The following DGKB variants were observed in gnomAD, a reference collection of about 807,000 sequenced individuals.
The protein encoded by DGKB is diacylglycerol kinase beta.
DGKB carries 67 observed loss-of-function variants against 114.3 expected under a neutral mutation model. The ratio of observed to expected loss-of-function variants is 0.59; its 90% CI spans 0.48 to 0.72. DGKB has a LOEUF of 0.72. DGKB is among the 30% of genes least tolerant of loss of function. The probability of loss-of-function intolerance (pLI) is 0.00; values close to 1 mark genes in which losing one functional copy is unlikely to be tolerated. For synonymous variants in DGKB, 398 were observed against 323.1 expected, an observed-to-expected ratio of 1.23 and a Z score of -2.49; for missense variants, 907 against 975.2, an observed-to-expected ratio of 0.93 and a Z score of 0.93.
At chr7:14,808,176 G>A (rs1842988298) in intron 2 of DGKB, among the ~76,000 whole-genome samples, 1 of 152,020 alleles carries the variant, frequency 6.6e-6, no homozygotes, top group South Asian at 2.1e-4. Flanking sequence ...TCTTTTGTAA[G>A]TGATGTTTAT....
At chr7:14,176,605 A>G in intron 25 of DGKB, 1 of 1,227,842 alleles carries the variant, frequency 8.1e-7, no homozygotes, top group Non-Finnish European at 1.0e-6. Flanking sequence ...TATTTAAAAG[A>G]TCTATTTATA....
intron 21 of DGKB, among the ~76,000 whole-genome samples, chr7:14,428,836 C>T (rs1827987222): frequency 6.6e-6 from 1 of 152,102 alleles, no homozygotes; most frequent in Non-Finnish European, 1.5e-5. Flanking sequence ...AACCCATGCT[C>T]ATTCAGATGC....
chr7:14,867,373 A>G (rs759191426), intron 1 of DGKB, among the ~76,000 whole-genome samples: 2 of 151,942 alleles, frequency 1.3e-5, no homozygotes, highest in Non-Finnish European at 2.9e-5. Context: ...TAGGTCTACA[A>G]TTAATTTCAA....
At chr7:14,629,516 T>C (rs1809287735) in intron 14 of DGKB, among the ~76,000 whole-genome samples, 1 of 152,010 alleles carries the variant, frequency 6.6e-6, no homozygotes, top group South Asian at 2.1e-4. Context: ...AAGCAATACT[T>C]TCTAAAATAA....
At chr7:14,462,832 C>T (rs1833282114) in intron 21 of DGKB, among the ~76,000 whole-genome samples, 1 of 152,174 alleles carries the variant, frequency 6.6e-6, no homozygotes, top group South Asian at 2.1e-4. Context: ...TGCTACCTGA[C>T]TGCAAACTAT....
At chr7:14,695,465 C>T (rs1031944460) in intron 8 of DGKB, among the ~76,000 whole-genome samples, 9 of 145,480 alleles carry the variant, frequency 6.2e-5, no homozygotes, top group African/African-American at 2.3e-4. Flanking sequence ...TGTAATCAAC[C>T]TCAAATGTTC....
At chr7:14,941,663 A>G (rs1163767688) in intron 1 of DGKB, among the ~76,000 whole-genome samples, 1 of 152,082 alleles carries the variant, frequency 6.6e-6, no homozygotes, top group Non-Finnish European at 1.5e-5. Context: ...TGTAAAAACC[A>G]ATCGATCTAC....
chr7:14,890,860 A>G (rs533334322), intron 1 of DGKB, among the ~76,000 whole-genome samples: 39 of 125,824 alleles, frequency 3.1e-4, no homozygotes, highest in South Asian at 9.0e-4. Context: ...CAATTCACAG[A>G]ATGCCACAAA....
At chr7:14,265,469 C>T (rs1177077561) in intron 23 of DGKB, among the ~76,000 whole-genome samples, 2 of 151,732 alleles carry the variant, frequency 1.3e-5, no homozygotes, top group Non-Finnish European at 2.9e-5. Context: ...TTCATATTAT[C>T]TTCTTTCTAT....
intron 25 of DGKB, among the ~76,000 whole-genome samples, chr7:14,171,096 A>C (rs763050939): frequency 1.1e-4 from 17 of 152,218 alleles, no homozygotes; most frequent in Non-Finnish European, 1.9e-4. Flanking sequence ...GCACCAGGTC[A>C]GGGCTCAATT....
At chr7:14,774,711 A>G (rs980730691) in intron 2 of DGKB, among the ~76,000 whole-genome samples, 1 of 152,202 alleles carries the variant, frequency 6.6e-6, no homozygotes, top group South Asian at 2.1e-4. Context: ...ATAAAGACAG[A>G]TGGTGAATTA....
chr7:14,642,261 CA>C (rs1811945758), intron 13 of DGKB, among the ~76,000 whole-genome samples: 1 of 151,934 alleles, frequency 6.6e-6, no homozygotes, highest in African/African-American at 2.4e-5. Flanking sequence ...TATTCTTGAC[CA>C]TCTAAAACTA....
At chr7:14,875,128 A>G (rs1461872293) in intron 1 of DGKB, among the ~76,000 whole-genome samples, 2 of 152,122 alleles carry the variant, frequency 1.3e-5, no homozygotes, top group African/African-American at 4.8e-5. Flanking sequence ...TAGGGAGAAT[A>G]CCAAAATAAT....
At chr7:14,830,881 T>A (rs1367093355) in intron 2 of DGKB, among the ~76,000 whole-genome samples, 1 of 150,860 alleles carries the variant, frequency 6.6e-6, no homozygotes, top group Non-Finnish European at 1.5e-5. Flanking sequence ...TAATGATAAC[T>A]AATATTTGTA....
chr7:14,292,268 CT>C (rs1376725110), intron 23 of DGKB, among the ~76,000 whole-genome samples: 1 of 152,102 alleles, frequency 6.6e-6, no homozygotes, highest in African/African-American at 2.4e-5. Context: ...TTTATGTCAT[CT>C]TTTCTCCTTC....
chr7:14,340,105 C>T (rs10231630), intron 22 of DGKB, among the ~76,000 whole-genome samples: 56 of 149,378 alleles, frequency 3.7e-4, no homozygotes, highest in African/African-American at 1.3e-3. Flanking sequence ...AGAGAAAGTG[C>T]CAAGTTTTCA....
intron 17 of DGKB, among the ~76,000 whole-genome samples, chr7:14,599,563 A>C (rs1480021497): frequency 6.6e-6 from 1 of 152,190 alleles, no homozygotes; most frequent in Non-Finnish European, 1.5e-5. Context: ...TTAAAAGAAC[A>C]ACCACGAAAC....
intron 1 of DGKB, among the ~76,000 whole-genome samples, chr7:14,953,201 A>C (rs188212688): frequency 6.6e-6 from 1 of 152,234 alleles, no homozygotes; most frequent in East Asian, 1.9e-4. Context: ...GAAAATATGT[A>C]AGTGAACAGG....
At chr7:14,277,747 A>G (rs770316804) in intron 23 of DGKB, among the ~76,000 whole-genome samples, 1 of 152,196 alleles carries the variant, frequency 6.6e-6, no homozygotes, top group African/African-American at 2.4e-5. Context: ...TCCTTTTGAC[A>G]TATTGATTTC....
Sources: allele counts gnomAD v4.1 joint callset (sites outside exome capture counted in the v4.1 genomes callset), GRCh38; gene constraint gnomAD v4.1.1; transcripts MANE v1.5; gene names NCBI Gene and HGNC (gene_info 2026-07-23, HGNC 2026-07-21).